TMEM164: variants seen among roughly 807,000 people sequenced by gnomAD.
TMEM164 encodes transmembrane protein 164, also known as RP13-360B22.2.
In TMEM164, 4 loss-of-function variants were observed where a neutral mutation model predicts 18.8. The observed-to-expected ratio is 0.21, with a 90% confidence interval of 0.10 to 0.49. TMEM164 has a LOEUF of 0.49. Ranked by LOEUF, TMEM164 falls within the 20% of genes least tolerant of loss-of-function variation. The probability of loss-of-function intolerance (pLI) is 0.98; values close to 1 mark genes in which losing one functional copy is unlikely to be tolerated. For missense variants in TMEM164, 108 were observed against 239.9 expected (o/e 0.45, Z 3.63); for synonymous variants, 86 against 101.7 (o/e 0.85, Z 0.93).
downstream of TMEM164, among the ~76,000 whole-genome samples, chrX:110,183,868 G>C (rs1242908714): frequency 1.8e-5 from 2 of 112,074 alleles, no homozygotes; most frequent in African/African-American, 6.5e-5. Context: ...AAAAAGGAGT[G>C]ATCAAGGTCA....
intron 4 of TMEM164, among the ~76,000 whole-genome samples, chrX:110,136,422 T>C (rs974481421): frequency 8.9e-6 from 1 of 112,084 alleles, no homozygotes; most frequent in South Asian, 3.7e-4. Flanking sequence ...GCAGGAACAT[T>C]ATCAAGGGCA....
intron 2 of TMEM164, among the ~76,000 whole-genome samples, chrX:110,015,552 T>G (rs1054534215): frequency 1.1e-5 from 1 of 89,680 alleles, no homozygotes; most frequent in African/African-American, 5.9e-5. Flanking sequence ...GGAACTTGAG[T>G]GTGTGTGTGT....
intron 4 of TMEM164, among the ~76,000 whole-genome samples, chrX:110,134,684 G>A (rs772165223): frequency 9.2e-6 from 1 of 108,179 alleles, no homozygotes; most frequent in Non-Finnish European, 1.9e-5. Flanking sequence ...CAGGGCTGTG[G>A]GCATCTGTCC....
intron 3 of TMEM164, among the ~76,000 whole-genome samples, chrX:110,095,503 T>A (rs2066002195): frequency 8.9e-6 from 1 of 112,359 alleles, no homozygotes; most frequent in Non-Finnish European, 1.9e-5. Context: ...TGTCACCTAG[T>A]TCTCATGTCA....
chrX:110,147,345 A>G (rs1437661203), intron 5 of TMEM164, among the ~76,000 whole-genome samples: 2 of 111,976 alleles, frequency 1.8e-5, no homozygotes, highest in African/African-American at 6.5e-5. Context: ...GTAGGGTACA[A>G]GGTGATGCTA....
At chrX:110,042,331 T>G (rs1255595885) in intron 2 of TMEM164, among the ~76,000 whole-genome samples, 1 of 111,928 alleles carries the variant, frequency 8.9e-6, no homozygotes, top group African/African-American at 3.2e-5. Context: ...AGCAAAATGT[T>G]TTCAAGGTTG....
rs752566750 is a variant in TMEM164 at position 110,092,383 on chromosome X, A to G, written c.441-16697A>G. 2.7e-5 allele frequency among the ~76,000 whole-genome samples: 3 copies of G among 111,427 alleles called. No individual in the cohort carries two copies. The East Asian group carries it at 8.4e-4, about 31-fold the overall frequency. On this transcript the variant is annotated intron_variant, in intron 3 of 6. Transcript: ENST00000372068. ...ATTTGTTTGTATCCTCTTTTATTTC[A>G]TTGAGCAGTGGTTTGTAGTTCTCCT...
At chrX:110,114,992 T>C (rs781367058) in intron 4 of TMEM164, among the ~76,000 whole-genome samples, 1 of 111,911 alleles carries the variant, frequency 8.9e-6, no homozygotes, top group Non-Finnish European at 1.9e-5. Flanking sequence ...TTGGATGGGA[T>C]GGTTCTTTTG....
intron 4 of TMEM164, among the ~76,000 whole-genome samples, chrX:110,132,821 A>T (rs2066631323): frequency 8.9e-6 from 1 of 111,912 alleles, no homozygotes; most frequent in Non-Finnish European, 1.9e-5. Flanking sequence ...CTCATCTTCA[A>T]ATTGGGGAAT....
At chrX:110,076,768 T>G (rs1420584356) in intron 3 of TMEM164, among the ~76,000 whole-genome samples, 1 of 112,103 alleles carries the variant, frequency 8.9e-6, no homozygotes, top group Non-Finnish European at 1.9e-5. Context: ...TCCATGTAAT[T>G]GGGTCTTCTT....
chrX:110,112,309 G>A (rs986146780), intron 4 of TMEM164, among the ~76,000 whole-genome samples: 5 of 111,709 alleles, frequency 4.5e-5, no homozygotes, highest in Non-Finnish European at 7.5e-5. Flanking sequence ...CTCCAGCATG[G>A]CAACAAAGTG....
intron 3 of TMEM164, among the ~76,000 whole-genome samples, chrX:110,102,474 A>G (rs1236561768): frequency 8.9e-6 from 1 of 112,256 alleles, no homozygotes; most frequent in Non-Finnish European, 1.9e-5. Context: ...AGAATTTGTC[A>G]TCTGTTCCAT....
At chrX:110,095,734 C>G (rs1274838755) in intron 3 of TMEM164, among the ~76,000 whole-genome samples, 2 of 112,531 alleles carry the variant, frequency 1.8e-5, no homozygotes, top group Non-Finnish European at 3.7e-5. Context: ...TAGCGAGGAG[C>G]TATGTTCCTT....
At chrX:110,081,942 A>C (rs995651240) in intron 3 of TMEM164, among the ~76,000 whole-genome samples, 2 of 112,446 alleles carry the variant, frequency 1.8e-5, no homozygotes, top group Non-Finnish European at 3.8e-5. Flanking sequence ...GGCAACTCCC[A>C]CTGGGGTGGA....
At chrX:110,019,411 A>G (rs187123967) in intron 2 of TMEM164, among the ~76,000 whole-genome samples, 1 of 111,112 alleles carries the variant, frequency 9.0e-6, no homozygotes, top group Admixed American at 9.5e-5. Flanking sequence ...TATCACTGTC[A>G]TCATCATCAC....
At chrX:110,111,943 C>T (rs989686036) in intron 4 of TMEM164, among the ~76,000 whole-genome samples, 1 of 111,317 alleles carries the variant, frequency 9.0e-6, no homozygotes, top group Non-Finnish European at 1.9e-5. Flanking sequence ...TGCAGTGGCT[C>T]ACACCTGTGG....
chrX:110,004,131 G>A lies in TMEM164; in HGVS notation c.357G>A (p.Leu119=). 1 of 1,205,073 alleles carries A rather than the reference G, an allele frequency of 8.3e-7. No individual in the cohort carries two copies. The highest frequency in any genetic ancestry group is 1.8e-5 in the South Asian group (1 of 56,371). Residue 119 remains leucine (L), a synonymous_variant, in exon 2 of 7, where the codon CTG becomes CTA. Coordinates refer to ENST00000372068, the MANE Select transcript of TMEM164 (RefSeq NM_032227.4). ...FKFATKTVIY[L]LNPCHLVTMM... is the part of the protein sequence containing the mutation. ...TCGCCACCAAGACCGTCATCTACCT[G>A]CTCAACCCCTGTCACCTGGTCACCA...
At chrX:110,138,977 A>G (rs1031172557) in intron 4 of TMEM164, among the ~76,000 whole-genome samples, 1 of 112,220 alleles carries the variant, frequency 8.9e-6, no homozygotes, top group Non-Finnish European at 1.9e-5. Context: ...ATTGAATTGG[A>G]TGGAAGAATA....
upstream of TMEM164, among the ~76,000 whole-genome samples, chrX:110,002,401 G>GGGAGGAGGAGGGA (rs1313640119): frequency 9.9e-5 from 11 of 110,561 alleles, no homozygotes; most frequent in South Asian, 3.8e-4. Flanking sequence ...AGCCGGAGGA[G>GGGAGGAGGAGGGA]GGAGGAGGAG....
Sources: gnomAD v4.1 joint callset for allele counts (sites outside exome capture counted in the v4.1 genomes callset) on GRCh38, gnomAD v4.1.1 for gene constraint, MANE v1.5 for transcripts, NCBI Gene and HGNC (gene_info 2026-07-23, HGNC 2026-07-21) for gene names.